The following NTRK2 variants were observed in gnomAD, a reference collection of about 807,000 sequenced individuals.
NTRK2 encodes BDNF/NT-3 growth factors receptor.
A neutral mutation model predicts 94.5 loss-of-function variants in NTRK2; 13 were observed. The ratio of observed to expected loss-of-function variants is 0.14; its 90% confidence interval spans 0.09 to 0.22. NTRK2 has a LOEUF of 0.22. Among genes scored for constraint, NTRK2 ranks in the 10% least tolerant of loss-of-function variants. The pLI is 1.00. For synonymous variants in NTRK2, 372 were observed against 407.4 expected (o/e 0.91, Z 1.05); for missense variants, 639 against 1,071.2 (o/e 0.60, Z 5.63).
At chr9:84,942,990 G>T (rs150513447) in intron 15 of NTRK2, among the ~76,000 whole-genome samples, 1 of 152,096 alleles carries the variant, frequency 6.6e-6, no homozygotes, top group Non-Finnish European at 1.5e-5. Flanking sequence ...TTGGTTGACT[G>T]GTTTGGGAGT....
At chr9:84,709,291 A>G (rs1588094546) in intron 5 of NTRK2, among the ~76,000 whole-genome samples, 1 of 152,348 alleles carries the variant, frequency 6.6e-6, no homozygotes, top group East Asian at 1.9e-4. Context: ...TGTATTCATA[A>G]TTGAAGCATT....
intron 2 of NTRK2, among the ~76,000 whole-genome samples, chr9:84,680,460 G>T (rs958253325): frequency 3.3e-5 from 5 of 152,184 alleles, no homozygotes; most frequent in African/African-American, 1.2e-4. Flanking sequence ...GCTGCAACTT[G>T]CATCTGCAAC....
intron 12 of NTRK2, chr9:84,812,010 T>G: frequency 9.7e-7 from 1 of 1,026,990 alleles, no homozygotes; most frequent in Non-Finnish European, 1.2e-6. Context: ...CAGTTAGACA[T>G]GCACACAGAC....
chr9:84,882,719 T>TGCGCGCGCGCGC lies in NTRK2; in HGVS notation c.1633+15291_1633+15302dup, dbSNP rs1554762159. The stretch of plus-strand genomic sequence containing the variant: ...TCTAGTGTGTGTGTGTGTGTGTGTG[T>TGCGCGCGCGCGC]GCGCGCGCGCGCGCATGTGTGCATT... On this transcript the variant is annotated intron_variant, in intron 14 of 18. Coordinates refer to ENST00000277120, the MANE Select transcript of NTRK2 (RefSeq NM_006180.6). 2.8e-3 allele frequency among the ~76,000 whole-genome samples: 409 copies of TGCGCGCGCGCGC among 145,764 alleles called. 1 individual carries two copies. The highest frequency in any genetic ancestry group is 6.7e-3 in the African/African-American group (255 of 37,932).
At chr9:84,767,778 C>CT (rs1266250674) in intron 12 of NTRK2, among the ~76,000 whole-genome samples, 1 of 152,206 alleles carries the variant, frequency 6.6e-6, no homozygotes, top group Non-Finnish European at 1.5e-5. Context: ...TCTTCTACCT[C>CT]TTTTCCCCCA....
chr9:84,713,982 C>G (rs942526266), intron 6 of NTRK2, among the ~76,000 whole-genome samples: 3 of 151,424 alleles, frequency 2.0e-5, no homozygotes, highest in Admixed American at 6.6e-5. Flanking sequence ...TTGATTTGCT[C>G]TATGTATTCT....
chr9:84,896,713 A>G (rs899492274), intron 14 of NTRK2, among the ~76,000 whole-genome samples: 75 of 152,324 alleles, frequency 4.9e-4, no homozygotes, highest in African/African-American at 1.6e-3. Context: ...ACCTCGTACC[A>G]TATGCTTTAG....
chr9:84,821,901 G>C (rs1020469413), intron 12 of NTRK2, among the ~76,000 whole-genome samples: 2 of 151,824 alleles, frequency 1.3e-5, no homozygotes, highest in Non-Finnish European at 2.9e-5. Flanking sequence ...TTGGTTATGA[G>C]GTGCATTTTA....
chr9:84,701,559 A>G (rs781333917), intron 2 of NTRK2, among the ~76,000 whole-genome samples: 2 of 152,124 alleles, frequency 1.3e-5, no homozygotes, highest in Non-Finnish European at 2.9e-5. Context: ...TCCCACGGAG[A>G]ATGCGCTAAG....
intron 12 of NTRK2, among the ~76,000 whole-genome samples, chr9:84,834,300 A>T (rs975610723): frequency 2.0e-5 from 3 of 152,212 alleles, no homozygotes; most frequent in Non-Finnish European, 4.4e-5. Context: ...TTTAGCTGGG[A>T]ATTCTCTATT....
intron 16 of NTRK2, among the ~76,000 whole-genome samples, chr9:84,953,493 A>C (rs1056580042): frequency 6.6e-6 from 1 of 152,186 alleles, no homozygotes; most frequent in African/African-American, 2.4e-5. Context: ...ACAGGATCCA[A>C]ATTCATTTCA....
At chr9:84,716,274 A>C (rs2061704976) in intron 6 of NTRK2, among the ~76,000 whole-genome samples, 1 of 152,176 alleles carries the variant, frequency 6.6e-6, no homozygotes, top group Non-Finnish European at 1.5e-5. Context: ...TTAATGTAGA[A>C]GCTTTTAAAG....
intron 12 of NTRK2, among the ~76,000 whole-genome samples, chr9:84,824,335 A>G (rs1247802428): frequency 6.6e-6 from 1 of 152,252 alleles, no homozygotes; most frequent in Non-Finnish European, 1.5e-5. Context: ...AGGCTGAGCC[A>G]GAATTCAGAA....
chr9:84,773,290 C>G (rs888927220), intron 12 of NTRK2, among the ~76,000 whole-genome samples: 1 of 152,170 alleles, frequency 6.6e-6, no homozygotes, highest in African/African-American at 2.4e-5. Context: ...CTTATAGACC[C>G]TGAGGATGGT....
chr9:84,874,182 G>T, intron 14 of NTRK2: 1 of 1,065,144 alleles, frequency 9.4e-7, no homozygotes, highest in Non-Finnish European at 1.1e-6. Flanking sequence ...CTAGTAGATT[G>T]TGGACCAGGA....
At position 85,023,557 on chromosome 9, in the gene NTRK2, G is replaced by A. The variant is rs1832888009; in HGVS notation, c.*2120G>A. On this transcript the variant is annotated 3_prime_UTR_variant, in exon 19 of 19. Coordinates refer to ENST00000277120, the MANE Select transcript of NTRK2 (RefSeq NM_006180.6). ...TTATATGCTGGCCTATGAGAGATGAGAGTTGGGTCGTTTGTTCTCTTTGTT... is the reference window on the plus strand; with the variant it reads ...TTATATGCTGGCCTATGAGAGATGAAAGTTGGGTCGTTTGTTCTCTTTGTT... 1 of 232,410 alleles carries A rather than the reference G, an allele frequency of 4.3e-6. No homozygotes were observed. Among genetic ancestry groups the A allele is most frequent in the African/African-American group, 2.2e-5 (1 of 45,158 alleles). The allele number at this position is 232,410 out of a possible 1,614,324, so 14.4% of individuals were successfully genotyped here. A position where few individuals can be genotyped will look rare whatever the true frequency, so the allele number is the denominator to read the frequency against.
intron 2 of NTRK2, among the ~76,000 whole-genome samples, chr9:84,686,699 C>T (rs1217006450): frequency 6.6e-6 from 1 of 152,166 alleles, no homozygotes; most frequent in Non-Finnish European, 1.5e-5. Context: ...TGCACTTTTG[C>T]AGTAAAAATG....
At chr9:84,746,002 T>C (rs1212801522) in intron 11 of NTRK2, among the ~76,000 whole-genome samples, 1 of 152,120 alleles carries the variant, frequency 6.6e-6, no homozygotes, top group Non-Finnish European at 1.5e-5. Flanking sequence ...CAGAGCTTCC[T>C]GTGAGCTCTG....
chr9:84,948,765 A>T (rs2132891811), intron 16 of NTRK2, 131 bp downstream of exon 16: 1 of 724,980 alleles, frequency 1.4e-6, no homozygotes, highest in East Asian at 2.7e-5. Context: ...TGACACCAGC[A>T]TATGCCAGAG....
Sources: gnomAD v4.1 joint callset for allele counts (sites outside exome capture counted in the v4.1 genomes callset) on GRCh38, gnomAD v4.1.1 for gene constraint, MANE v1.5 for transcripts, NCBI Gene and HGNC (gene_info 2026-07-23, HGNC 2026-07-21) for gene names.